The following CRISPLD2 variants were observed in gnomAD, a reference collection of about 807,000 sequenced individuals.
CRISPLD2 encodes cysteine rich secretory protein LCCL domain containing 2.
A neutral mutation model predicts 71.1 loss-of-function variants in CRISPLD2; 47 were observed. That is an observed-to-expected ratio of 0.66 (90% CI 0.52 to 0.84). The LOEUF is 0.84. CRISPLD2 is among the 40% of genes least tolerant of loss of function. The probability of loss-of-function intolerance (pLI) is 0.00; values close to 1 mark genes in which losing one functional copy is unlikely to be tolerated. For missense variants in CRISPLD2, 830 were observed against 651.1 expected (o/e 1.27, Z -2.99); for synonymous variants, 317 against 250.1 (o/e 1.27, Z -2.52).
chr16:84,904,632 G>T (rs1209235620), intron 14 of CRISPLD2, among the ~76,000 whole-genome samples: 1 of 151,038 alleles, frequency 6.6e-6, no homozygotes, highest in African/African-American at 2.4e-5. Context: ...AAAAAAAAAT[G>T]ATTGGAAGTC....
At chr16:84,830,138 C>T (rs1597445604) in intron 1 of CRISPLD2, among the ~76,000 whole-genome samples, 2 of 151,938 alleles carry the variant, frequency 1.3e-5, no homozygotes, top group African/African-American at 4.8e-5. Context: ...GCCTGGGCAA[C>T]ATAGTGAAAC....
chr16:84,844,320 C>T (rs755332085), intron 2 of CRISPLD2, among the ~76,000 whole-genome samples: 11 of 152,324 alleles, frequency 7.2e-5, no homozygotes, highest in African/African-American at 4.8e-5. Flanking sequence ...AAGCTGAAGA[C>T]GTCTCTTGTC....
intron 13 of CRISPLD2, among the ~76,000 whole-genome samples, chr16:84,881,735 C>G (rs2071570328): frequency 6.6e-6 from 1 of 152,146 alleles, no homozygotes; most frequent in South Asian, 2.1e-4. Flanking sequence ...CTTGGCCTCC[C>G]AAAGTGCTGG....
At chr16:84,895,390 G>C (rs2071697524) in intron 14 of CRISPLD2, among the ~76,000 whole-genome samples, 1 of 152,140 alleles carries the variant, frequency 6.6e-6, no homozygotes, top group Non-Finnish European at 1.5e-5. Flanking sequence ...AGATATACTT[G>C]TTCCTGTCTT....
At chr16:84,867,574 A>C (rs754986061) in intron 7 of CRISPLD2, among the ~76,000 whole-genome samples, 3 of 151,590 alleles carry the variant, frequency 2.0e-5, no homozygotes, top group Non-Finnish European at 4.4e-5. Context: ...GTTGCCTACA[A>C]CTCTTTTTTG....
At chr16:84,852,503 T>G (rs907094790) in intron 5 of CRISPLD2, among the ~76,000 whole-genome samples, 2 of 152,220 alleles carry the variant, frequency 1.3e-5, no homozygotes, top group African/African-American at 4.8e-5. Flanking sequence ...GGTCTCCCCG[T>G]GGTGTTGCGT....
At chr16:84,881,160 A>G (rs2071565482) in intron 13 of CRISPLD2, among the ~76,000 whole-genome samples, 1 of 152,180 alleles carries the variant, frequency 6.6e-6, no homozygotes, top group Admixed American at 6.5e-5. Flanking sequence ...GAAGGCTCTC[A>G]TGCTTCAGAT....
Position 84,838,406 on chromosome 16 carries a change from C to A in CRISPLD2, c.-74-16C>A. 2 of 1,510,866 alleles carry A rather than the reference C, an allele frequency of 1.3e-6. No homozygotes were observed. Among genetic ancestry groups the A allele is most frequent in the South Asian group, 1.3e-5 (1 of 78,928 alleles). 93.6% of individuals were successfully genotyped at this position (1,510,866 alleles called of 1,614,324 possible). On this transcript the variant is annotated splice_polypyrimidine_tract_variant and intron_variant, in intron 1 of 14. Transcript: ENST00000262424. ...TACTAATGCGACTTCTCCCACCACCCTCTGCTTCCTTTCAGAGCTCAAGCG... is the reference window on the plus strand; with the variant it reads ...TACTAATGCGACTTCTCCCACCACCATCTGCTTCCTTTCAGAGCTCAAGCG...
chr16:84,828,238 C>T (rs1043436670), intron 1 of CRISPLD2: 2 of 152,134 alleles, frequency 1.3e-5, no homozygotes, highest in African/African-American at 4.8e-5. Flanking sequence ...TGACCTGGGG[C>T]CCTGAATTTA....
intron 3 of CRISPLD2, among the ~76,000 whole-genome samples, chr16:84,847,696 A>C (rs1329799527): frequency 6.6e-6 from 1 of 152,174 alleles, no homozygotes; most frequent in East Asian, 1.9e-4. Context: ...GAAGTGTCTA[A>C]AGCAGGGAGA....
At chr16:84,879,999 A>G (rs910165988) in intron 12 of CRISPLD2, among the ~76,000 whole-genome samples, 3 of 152,138 alleles carry the variant, frequency 2.0e-5, no homozygotes, top group Admixed American at 6.5e-5. Flanking sequence ...ATCTGTGGTG[A>G]CTGACACACA....
intron 13 of CRISPLD2, among the ~76,000 whole-genome samples, chr16:84,888,860 C>G (rs2071636197): frequency 6.6e-6 from 1 of 152,186 alleles, no homozygotes; most frequent in African/African-American, 2.4e-5. Context: ...GGCATTTAAC[C>G]TTGTGAACTG....
intron 1 of CRISPLD2, among the ~76,000 whole-genome samples, chr16:84,831,660 C>T (rs1916492181): frequency 6.6e-6 from 1 of 152,218 alleles, no homozygotes; most frequent in Non-Finnish European, 1.5e-5. Flanking sequence ...CCCAGCTCAA[C>T]ATCCCAAAGT....
intron 12 of CRISPLD2, among the ~76,000 whole-genome samples, chr16:84,879,283 T>A (rs9924253): frequency 0.021 from 3,178 of 151,806 alleles, 111 homozygotes; most frequent in African/African-American, 0.073. Flanking sequence ...CAGTGCAATA[T>A]GCAAAATGTT....
At chr16:84,835,337 G>A (rs1229800411) in intron 1 of CRISPLD2, among the ~76,000 whole-genome samples, 1 of 152,052 alleles carries the variant, frequency 6.6e-6, no homozygotes, top group Non-Finnish European at 1.5e-5. Context: ...CACCTGCCTC[G>A]GCCTCCCAAA....
rs762274836 is a variant in CRISPLD2 at position 84,845,856 on chromosome 16, C to G, written c.311C>G (p.Thr104Ser). ...CAGTGCATCTGGGAGCACGGGCCCA[C>G]CAGTCTGCTGGTGTCCATCGGGCAG... ...ASQCIWEHGP[T>S]SLLVSIGQNL... Residue 104 changes from threonine to serine, a missense_variant, in exon 3 of 15, where the codon ACC (threonine) becomes AGC (serine). Coordinates refer to ENST00000262424, the MANE Select transcript of CRISPLD2 (RefSeq NM_031476.4). The G allele has an allele frequency of 6.2e-7, 1 of 1,614,090 alleles. No homozygotes were observed. Among genetic ancestry groups the G allele is most frequent in the East Asian group, 2.2e-5 (1 of 44,876 alleles).
intron 4 of CRISPLD2, among the ~76,000 whole-genome samples, chr16:84,849,783 A>T (rs1224402943): frequency 9.9e-5 from 2 of 20,200 alleles, no homozygotes; most frequent in African/African-American, 1.6e-4. Flanking sequence ...GCATGATCTT[A>T]GTTAGCTTAG....
At chr16:84,875,652 G>A (rs1383123369) in intron 11 of CRISPLD2, among the ~76,000 whole-genome samples, 1 of 151,580 alleles carries the variant, frequency 6.6e-6, no homozygotes, top group Non-Finnish European at 1.5e-5. Flanking sequence ...CTCCTCATGG[G>A]TTCAAGTGAT....
intron 5 of CRISPLD2, among the ~76,000 whole-genome samples, chr16:84,853,906 C>T (rs148378958): frequency 5.3e-5 from 8 of 152,344 alleles, no homozygotes; most frequent in South Asian, 2.1e-4. Flanking sequence ...GGGCCCAAGC[C>T]GGGGAGCCTG....
Sources: allele counts gnomAD v4.1 joint callset (sites outside exome capture counted in the v4.1 genomes callset), GRCh38; gene constraint gnomAD v4.1.1; transcripts MANE v1.5; gene names NCBI Gene and HGNC (gene_info 2026-07-23, HGNC 2026-07-21).